CASP4: variants seen among roughly 807,000 people sequenced by gnomAD.
CASP4 encodes the protein caspase 4.
Under a neutral mutation model 41.3 loss-of-function variants are expected in CASP4, and 29 were observed. That is an observed-to-expected ratio of 0.70 (90% CI 0.52 to 0.96). The LOEUF (loss-of-function observed/expected upper bound fraction) is 0.96, where lower values mean the gene tolerates loss of function less well. Ranked by LOEUF, CASP4 falls within the 40% of genes least tolerant of loss-of-function variation. The probability of loss-of-function intolerance (pLI) is 0.00; values close to 1 mark genes in which losing one functional copy is unlikely to be tolerated. For synonymous variants in CASP4, 185 were observed against 158.4 expected (o/e 1.17, Z -1.26); for missense variants, 447 against 460.6 (o/e 0.97, Z 0.27).
intron 1 of CASP4, among the ~76,000 whole-genome samples, chr11:104,962,510 A>G (rs1004938723): frequency 3.3e-5 from 5 of 152,196 alleles, no homozygotes; most frequent in African/African-American, 9.6e-5. Flanking sequence ...ACAAGATAGA[A>G]CATGGGTTTA....
rs764499117 is a variant in CASP4 at position 104,954,955 on chromosome 11, G to A, written c.54C>T (p.Gly18=). 1.2e-5 allele frequency: 19 copies of A among 1,613,544 alleles called. No individual in the cohort carries two copies. The East Asian group carries it at 1.3e-4, about 11-fold the overall frequency. ...KKPLKVLESL[G]KDFLTGVLDN... is the part of the protein sequence containing the mutation. ...CCAAAACACCAGTGAGGAAATCTTTGCCCAGGGATTCCAACACCTTAAGTG... is the reference window on the plus strand; with the variant it reads ...CCAAAACACCAGTGAGGAAATCTTTACCCAGGGATTCCAACACCTTAAGTG... The change falls in exon 2 of 9, where the codon GGC becomes GGT. Residue 18 remains glycine, a synonymous_variant. Transcript: ENST00000444739.
At chr11:104,964,503 G>C (rs1860930906) in intron 1 of CASP4, among the ~76,000 whole-genome samples, 1 of 152,184 alleles carries the variant, frequency 6.6e-6, no homozygotes, top group African/African-American at 2.4e-5. Flanking sequence ...ATGGCAGCAT[G>C]GTTAATTCCA....
chr11:104,955,603 A>G (rs1860720810), intron 1 of CASP4, among the ~76,000 whole-genome samples: 1 of 152,118 alleles, frequency 6.6e-6, no homozygotes, highest in African/African-American at 2.4e-5. Context: ...ATCCATATTT[A>G]TAATTCTTTC....
At chr11:104,949,905 TCA>T in intron 4 of CASP4, 128 bp from the exon 5 acceptor site, 1 of 829,584 alleles carries the variant, frequency 1.2e-6, no homozygotes, top group Non-Finnish European at 1.9e-6. Context: ...TAGTGCTTAC[TCA>T]GTCATGACAG....
rs572881726 is a variant in CASP4 at position 104,954,813 on chromosome 11, G to A, written c.196C>T (p.Arg66Cys). 97 of 1,613,516 alleles carry A rather than the reference G, an allele frequency of 6.0e-5. No homozygotes were observed. The South Asian group carries it at 6.8e-4, about 11-fold the overall frequency. ...TGAAGAAGCATTTGTCCTGCCATAC[G>A]TTGCTTCTCTTGCATAGAGTCTGCC... ...VMADSMQEKQRMAGQMLLQTF... is the reference protein window; with the variant it reads ...VMADSMQEKQCMAGQMLLQTF... The change falls in exon 2 of 9, where the codon CGT (arginine) becomes TGT (cysteine). Residue 66 changes from arginine to cysteine, a missense_variant. Arg to Cys is a radical substitution (Grantham distance 180, BLOSUM62 -3). Coordinates refer to ENST00000444739, the MANE Select transcript of CASP4 (RefSeq NM_001225.4).
intron 1 of CASP4, among the ~76,000 whole-genome samples, chr11:104,959,931 TTATC>T (rs1392599954): frequency 5.3e-5 from 8 of 152,172 alleles, no homozygotes; most frequent in African/African-American, 1.7e-4. Context: ...CATAAGAACT[TTATC>T]AATCTACTCT....
intron 1 of CASP4, among the ~76,000 whole-genome samples, chr11:104,966,547 G>T (rs942405132): frequency 6.6e-5 from 10 of 152,172 alleles, no homozygotes; most frequent in African/African-American, 2.4e-4. Context: ...GGAGGGCTTG[G>T]CACTGAGACC....
In CASP4 at chr11:104,949,719, C is replaced by G. The variant is rs754247225; in HGVS notation, c.605G>C (p.Ser202Thr). ...ATGAGACATGAGTACCAAGAATGTG[C>G]TGTCAGAGGACTTGTGCTCTGGTCT... Reference protein sequence around the residue: ...ATRPEHKSSDSTFLVLMSHGI... With the variant: ...ATRPEHKSSDTTFLVLMSHGI... The change falls in exon 5 of 9, where the codon AGC (serine) becomes ACC (threonine). Residue 202 changes from serine to threonine, a missense_variant. Coordinates refer to ENST00000444739, the MANE Select transcript of CASP4 (RefSeq NM_001225.4). The G allele has an allele frequency of 6.2e-7, 1 of 1,613,964 alleles. No homozygotes were observed. The highest frequency in any genetic ancestry group is 1.7e-5 in the Admixed American group (1 of 59,956).
At chr11:104,964,877 A>T (rs1484342314) in intron 1 of CASP4, among the ~76,000 whole-genome samples, 6 of 152,216 alleles carry the variant, frequency 3.9e-5, no homozygotes, top group Non-Finnish European at 7.3e-5. Flanking sequence ...ACAGAGTTCC[A>T]TCAAAGCCAA....
At position 104,954,980 on chromosome 11, in the gene CASP4, G is replaced by A. The variant is rs1275610008; in HGVS notation, c.29C>T (p.Pro10Leu). The A allele has an allele frequency of 2.5e-6, 4 of 1,612,960 alleles. No individual in the cohort carries two copies. Among genetic ancestry groups the A allele is most frequent in the African/African-American group, 2.7e-5 (2 of 74,780 alleles). ...GCCCAGGGATTCCAACACCTTAAGT[G>A]GCTTTTTTCTGTGGTTGCCTTCTGT... MAEGNHRKK[P>L]LKVLESLGKD... The change falls in exon 2 of 9, where the codon CCA becomes CTA. Residue 10 changes from proline to leucine, a missense_variant. By Grantham distance (98) the Pro-to-Leu change is moderately conservative. Transcript: ENST00000444739.
intron 5 of CASP4, 161 bp from the exon 6 acceptor site, chr11:104,948,837 C>CACACAT: frequency 2.2e-6 from 1 of 458,512 alleles, no homozygotes; most frequent in Non-Finnish European, 3.8e-6. Flanking sequence ...CACACACACA[C>CACACAT]CACTTTTCTT....
intron 1 of CASP4, among the ~76,000 whole-genome samples, chr11:104,957,274 A>G (rs974496243): frequency 6.6e-6 from 1 of 152,176 alleles, no homozygotes; most frequent in Non-Finnish European, 1.5e-5. Context: ...AACCATCTTT[A>G]AAAAATAAAT....
intron 2 of CASP4, among the ~76,000 whole-genome samples, chr11:104,952,905 A>G (rs568773071): frequency 6.6e-6 from 1 of 152,326 alleles, no homozygotes; most frequent in South Asian, 2.1e-4. Context: ...CCTATTTCAG[A>G]AAATTCTGCC....
rs144464147 is a variant in CASP4 at position 104,944,768 on chromosome 11, G to A, written c.1119C>T (p.Leu373=). ...ERLSMTRYFY[L]FPGN ...TTAACCATTTTCAATTGCCAGGAAA[G>A]AGGTAGAAATATCTTGTCATGGACA... Residue 373 remains leucine (L), a synonymous_variant, in exon 8 of 9, where the codon CTC becomes CTT. Coordinates refer to ENST00000444739, the MANE Select transcript of CASP4 (RefSeq NM_001225.4). 1.7e-5 allele frequency: 28 copies of A among 1,609,330 alleles called. No homozygotes were observed. The South Asian group carries it at 3.0e-4, about 17-fold the overall frequency.
intron 1 of CASP4, among the ~76,000 whole-genome samples, chr11:104,958,731 C>T (rs533293645): frequency 1.3e-5 from 2 of 152,098 alleles, no homozygotes; most frequent in Non-Finnish European, 2.9e-5. Context: ...GAGGTTAAGG[C>T]GGGCAGATCA....
intron 1 of CASP4, among the ~76,000 whole-genome samples, chr11:104,964,823 C>A (rs1565370420): frequency 6.6e-6 from 1 of 152,144 alleles, no homozygotes; most frequent in Non-Finnish European, 1.5e-5. Context: ...AAATGCATGG[C>A]TGGGATTGGC....
In CASP4 at chr11:104,951,979, G is replaced by T. The variant is rs775312424; in HGVS notation, c.289C>A (p.Pro97Thr). 1.2e-6 allele frequency: 2 copies of T among 1,612,206 alleles called. No individual in the cohort carries two copies. The highest frequency in any genetic ancestry group is 2.2e-5 in the East Asian group (1 of 44,854). The change falls in exon 3 of 9, where the codon CCT (proline) becomes ACT (threonine). Residue 97 changes from proline (P) to threonine (T), a missense_variant. Pro to Thr is a conservative substitution (Grantham distance 38). Transcript: ENST00000444739. ...KAHPNMEAGPPESGESTDALK... is the reference protein window; with the variant it reads ...KAHPNMEAGPTESGESTDALK... ...GCATCTGTAGATTCTCCTGACTCAG[G>T]TGGTCCAGCCTCCATATTCGGATGA...
At chr11:104,955,095 G>T in intron 1 of CASP4, 94 bp from the exon 2 acceptor site, 1 of 1,212,930 alleles carries the variant, frequency 8.2e-7, no homozygotes, top group Non-Finnish European at 1.2e-6. Context: ...AAATACTTCT[G>T]AAAGTATGTC....
chr11:104,958,391 G>T (rs1224921919), intron 1 of CASP4, among the ~76,000 whole-genome samples: 1 of 152,062 alleles, frequency 6.6e-6, no homozygotes. Context: ...ATCTGATAAA[G>T]AATTAATATG....
Sources: allele counts gnomAD v4.1 joint callset (sites outside exome capture counted in the v4.1 genomes callset), GRCh38; gene constraint gnomAD v4.1.1; transcripts MANE v1.5; gene names NCBI Gene and HGNC (gene_info 2026-07-23, HGNC 2026-07-21).